The following LLGL2 variants were observed in gnomAD, a reference collection of about 807,000 sequenced individuals.
The protein encoded by LLGL2 is LLGL scribble cell polarity complex component 2, also known as LLGL2, scribble cell polarity complex component.
Under a neutral mutation model 123.2 loss-of-function variants are expected in LLGL2, and 81 were observed. The observed-to-expected ratio is 0.66, with a 90% CI of 0.55 to 0.79. LLGL2 has a LOEUF of 0.79. Among genes scored for constraint, LLGL2 ranks in the 30% least tolerant of loss-of-function variants. The pLI is 0.00. For synonymous variants in LLGL2, 577 were observed against 594.1 expected (o/e 0.97, Z 0.42); for missense variants, 1,273 against 1,414.6 (o/e 0.90, Z 1.61).
Position 75,573,106 on chromosome 17 carries a change from CG to C in LLGL2, c.2555del (p.Gly852AlafsTer61). Reference sequence around the variant, plus strand: ...TGCGGCGGGTCAGCGTGGCCCACTTCGGCAGTCGTCGAGCCGAGGACTACGG... The same window carrying C: ...TGCGGCGGGTCAGCGTGGCCCACTTCGCAGTCGTCGAGCCGAGGACTACGG... Reference protein sequence around the residue: ...RVRRVSVAHFGSRRAEDYGEH... With the variant: ...RVRRVSVAHFXSRRAEDYGEH... On this transcript the variant is annotated frameshift_variant, in exon 20 of 26. Coordinates refer to ENST00000392550, the MANE Select transcript of LLGL2 (RefSeq NM_001031803.2). LOFTEE classifies it high-confidence loss of function. 1 of 1,612,836 alleles carries C rather than the reference CG, an allele frequency of 6.2e-7. No homozygotes were observed. Among genetic ancestry groups the C allele is most frequent in the Non-Finnish European group, 8.5e-7 (1 of 1,179,930 alleles).
At chr17:75,535,555 G>A (rs2053968864) in intron 1 of LLGL2, among the ~76,000 whole-genome samples, 1 of 152,258 alleles carries the variant, frequency 6.6e-6, no homozygotes, top group South Asian at 2.1e-4. Flanking sequence ...GCTGGGCTTG[G>A]CCAAGCCTTG....
rs145268615 is a variant in LLGL2 at position 75,572,768 on chromosome 17, C to T, written c.2461-246C>T. Among the ~76,000 whole-genome samples the T allele has an allele frequency of 2.0e-3, 296 of 150,396 alleles. 3 individuals carry two copies. In the East Asian group the frequency reaches 0.052, roughly 26 times the overall value. ...GCCTGAGGCGGAGGTTGCAGTGAGC[C>T]GAGATCACACCACTGTACTCCAGCC... On this transcript the variant is annotated intron_variant, in intron 19 of 25. Transcript: ENST00000392550.
Position 75,564,509 on chromosome 17 carries a change from T to C in LLGL2, c.1036+2T>C, listed in dbSNP as rs2055361390. ...TCACAGAGGCAGACCCTGCAGCCAG[T>C]AGGAGAGCTTCGGGAGTGGGTGCCC... On this transcript the variant is annotated splice_donor_variant, in intron 10 of 25. Transcript: ENST00000392550. LOFTEE classifies it high-confidence loss of function. This position sits in a 1 kb window ranked among gnomAD's most constrained non-coding sequence, Gnocchi z 4.9. 1 of 1,612,956 alleles carries C rather than the reference T, an allele frequency of 6.2e-7. No individual in the cohort carries two copies. Among genetic ancestry groups the C allele is most frequent in the African/African-American group, 1.3e-5 (1 of 74,876 alleles).
chr17:75,525,407 T>C (rs2053519472), upstream of LLGL2, among the ~76,000 whole-genome samples: 1 of 151,892 alleles, frequency 6.6e-6, no homozygotes, highest in African/African-American at 2.4e-5. This position sits in a 1 kb window ranked among gnomAD's most constrained non-coding sequence, Gnocchi z 4.8. Flanking sequence ...CCGCAGGCGT[T>C]CCGGGAACTA....
At chr17:75,567,669 CA>C (rs1425760643) in intron 10 of LLGL2, among the ~76,000 whole-genome samples, 1 of 150,726 alleles carries the variant, frequency 6.6e-6, no homozygotes, top group Non-Finnish European at 1.5e-5. Context: ...AGACTGGGCA[CA>C]GTGGCTCATG....
chr17:75,563,282 C>T (rs77340657), intron 7 of LLGL2, 49 bp from the exon 8 acceptor site: 43,254 of 1,603,614 alleles, frequency 0.027, 900 homozygotes, highest in African/African-American at 0.097. Context: ...ATGGGAACGC[C>T]GCCTCGGTCC....
At chr17:75,531,193 C>G (rs1248865676) in intron 1 of LLGL2, among the ~76,000 whole-genome samples, 1 of 152,136 alleles carries the variant, frequency 6.6e-6, no homozygotes, top group Non-Finnish European at 1.5e-5. Context: ...AGAGGATGTC[C>G]TCTCCTGCCA....
chr17:75,536,624 C>G (rs188047610), intron 1 of LLGL2, among the ~76,000 whole-genome samples: 13 of 152,268 alleles, frequency 8.5e-5, no homozygotes, highest in African/African-American at 2.4e-4. Context: ...ATGCCTGGGG[C>G]CTCTTTCCTT....
At chr17:75,555,674 T>C (rs2054877503) in intron 2 of LLGL2, among the ~76,000 whole-genome samples, 1 of 152,080 alleles carries the variant, frequency 6.6e-6, no homozygotes, top group African/African-American at 2.4e-5. Flanking sequence ...TCTCCATTGT[T>C]CCAAACTCCC....
rs1598599141 is a variant in LLGL2 at position 75,559,472 on chromosome 17, T to C, written c.530+62T>C. 1 of 1,533,110 alleles carries C rather than the reference T, an allele frequency of 6.5e-7. No homozygotes were observed. The highest frequency in any genetic ancestry group is 8.8e-7 in the Non-Finnish European group (1 of 1,140,428). 95.0% of individuals were successfully genotyped at this position (1,533,110 alleles called of 1,614,324 possible). A position where few individuals can be genotyped will look rare whatever the true frequency, so the allele number is the denominator to read the frequency against. On this transcript the variant is annotated intron_variant, in intron 6 of 25. Coordinates refer to ENST00000392550, the MANE Select transcript of LLGL2 (RefSeq NM_001031803.2). The surrounding 1 kb of genome is among the most constrained non-coding windows in gnomAD (Gnocchi z 4.6). Reference sequence around the variant, plus strand: ...CTCAAGTTAGGCATGGCTTCTCCCCTTGGTCCCAGGACTCTGTCAGGAGCT... The same window carrying C: ...CTCAAGTTAGGCATGGCTTCTCCCCCTGGTCCCAGGACTCTGTCAGGAGCT...
intron 17 of LLGL2, among the ~76,000 whole-genome samples, 172 bp downstream of exon 17, chr17:75,571,272 A>G (rs936058): frequency 0.43 from 65,812 of 152,008 alleles, 15,775 homozygotes; most frequent in African/African-American, 0.66. Flanking sequence ...CCCCTGCCTC[A>G]GCCTCTGAGT....
At chr17:75,556,767 A>AT (rs1385248213) in intron 3 of LLGL2, among the ~76,000 whole-genome samples, 1 of 152,234 alleles carries the variant, frequency 6.6e-6, no homozygotes, top group South Asian at 2.1e-4. Flanking sequence ...ATTTAAAAAA[A>AT]TTTTTTTCGG....
Position 75,571,115 on chromosome 17 carries a change from TG to T in LLGL2, c.2176+19del. 1 of 1,371,166 alleles carries T rather than the reference TG, an allele frequency of 7.3e-7. No homozygotes were observed. The highest frequency in any genetic ancestry group is 1.0e-6 in the Non-Finnish European group (1 of 986,242). The allele number at this position is 1,371,166 out of a possible 1,614,324, so 84.9% of individuals were successfully genotyped here. ...CCTGAAGGACAGTGAGTGGCCAGCCTGGGGTTGGGGGGCAGGGGGTAGTGGG... is the reference window on the plus strand; with the variant it reads ...CCTGAAGGACAGTGAGTGGCCAGCCTGGGTTGGGGGGCAGGGGGTAGTGGG... On this transcript the variant is annotated intron_variant, in intron 17 of 25. Transcript: ENST00000392550.
At chr17:75,571,406 T>C in intron 17 of LLGL2, 1 of 585,836 alleles carries the variant, frequency 1.7e-6, no homozygotes, top group Non-Finnish European at 3.0e-6. Context: ...AGCTTCCTCC[T>C]AGAGCAGCTG....
intron 10 of LLGL2, chr17:75,567,948 A>C: frequency 1.7e-6 from 1 of 605,590 alleles, no homozygotes; most frequent in Non-Finnish European, 2.1e-6. Context: ...GTCTCGAGAA[A>C]AGAAAAAAAA....
At chr17:75,530,274 G>A (rs539810850) in intron 1 of LLGL2, among the ~76,000 whole-genome samples, 1 of 152,230 alleles carries the variant, frequency 6.6e-6, no homozygotes, top group East Asian at 1.9e-4. Flanking sequence ...AGGTGGAGGA[G>A]GGAGGATTGC....
chr17:75,542,108 C>T (rs1405472545), intron 1 of LLGL2, among the ~76,000 whole-genome samples: 1 of 152,070 alleles, frequency 6.6e-6, no homozygotes, highest in Non-Finnish European at 1.5e-5. Flanking sequence ...AACTCTGCCA[C>T]GCACGTTACC....
rs143957131 is a variant in LLGL2 at position 75,544,301 on chromosome 17, C to G, written c.75+800C>G. On this transcript the variant is annotated intron_variant, in intron 2 of 25. Coordinates refer to ENST00000392550, the MANE Select transcript of LLGL2 (RefSeq NM_001031803.2). This position sits in a 1 kb window ranked among gnomAD's most constrained non-coding sequence, Gnocchi z 4.2. ...CTGGGACACTGTGATCCTCTTCCCCCGGGGAGCCAGGACCCTCCCAATATG... is the reference window on the plus strand; with the variant it reads ...CTGGGACACTGTGATCCTCTTCCCCGGGGGAGCCAGGACCCTCCCAATATG... Among the ~76,000 whole-genome samples the G allele has an allele frequency of 2.0e-5, 3 of 152,284 alleles. No individual in the cohort carries two copies. In the East Asian group the frequency reaches 5.8e-4, roughly 29 times the overall value.
At chr17:75,571,317 C>T in intron 17 of LLGL2, 2 of 591,300 alleles carry the variant, frequency 3.4e-6, no homozygotes, top group South Asian at 4.1e-5. Flanking sequence ...GGCCGTAGCA[C>T]CCTTTAGAAG....
Sources: gnomAD v4.1 joint callset for allele counts (sites outside exome capture counted in the v4.1 genomes callset) on GRCh38, gnomAD v4.1.1 for gene constraint, Gnocchi (gnomAD v3.1) non-coding constraint, MANE v1.5 for transcripts, NCBI Gene and HGNC (gene_info 2026-07-23, HGNC 2026-07-21) for gene names.